PIBF1: variants seen among roughly 807,000 people sequenced by gnomAD.
PIBF1 encodes progesterone immunomodulatory binding factor 1.
In PIBF1, 90 loss-of-function variants were observed where a neutral mutation model predicts 112.5. The ratio of observed to expected loss-of-function variants is 0.80; its 90% confidence interval spans 0.67 to 0.95. The LOEUF (loss-of-function observed/expected upper bound fraction) is 0.95. Ranked by LOEUF, PIBF1 falls within the 40% of genes least tolerant of loss-of-function variation. The pLI, the probability that PIBF1 is intolerant of heterozygous loss-of-function variation, is 0.00. For missense variants in PIBF1, 915 were observed against 852.3 expected (o/e 1.07, Z -0.92); for synonymous variants, 301 against 288.6 (o/e 1.04, Z -0.44).
intron 12 of PIBF1, 25 bp downstream of exon 12, chr13:72,908,706 G>A (rs368094110): frequency 6.3e-7 from 1 of 1,576,742 alleles, no homozygotes; most frequent in Admixed American, 1.9e-5. Context: ...ACACACACAT[G>A]CACAACTTTT....
chr13:72,865,052 AG>A, intron 10 of PIBF1, among the ~76,000 whole-genome samples: 1 of 152,200 alleles, frequency 6.6e-6, no homozygotes, highest in African/African-American at 2.4e-5. Context: ...GTTTTGGAGG[AG>A]CAAAAAAATG....
intron 4 of PIBF1, 117 bp from the exon 5 acceptor site, chr13:72,797,790 T>A: frequency 1.4e-6 from 1 of 735,136 alleles, no homozygotes; most frequent in Non-Finnish European, 2.2e-6. Flanking sequence ...TTAATGACTG[T>A]CTTGTTGTAG....
chr13:72,879,533 T>A (rs1479273809), intron 10 of PIBF1, among the ~76,000 whole-genome samples: 2 of 151,980 alleles, frequency 1.3e-5, no homozygotes, highest in African/African-American at 4.8e-5. Context: ...GACCTGAGAG[T>A]CTTAATAAAA....
In PIBF1 at chr13:72,934,323, G is replaced by A. The variant is rs1271081684; in HGVS notation, c.1833+3056G>A. Among the ~76,000 whole-genome samples the A allele has an allele frequency of 4.6e-5, 7 of 152,072 alleles. 1 individual carries two copies. In the East Asian group the frequency reaches 1.3e-3, roughly 29 times the overall value. On this transcript the variant is annotated intron_variant, in intron 14 of 17. Transcript: ENST00000326291. ...TTATTATTTATTTATTTTTGAGACA[G>A]AGTCTCGCTCTCTCGCCCAGGCTAG...
chr13:72,847,417 A>C (rs1566352414), intron 9 of PIBF1, among the ~76,000 whole-genome samples: 2 of 152,182 alleles, frequency 1.3e-5, no homozygotes. Flanking sequence ...GAGCCTTCTC[A>C]CTACATTATC....
At chr13:72,848,890 G>C (rs2038000964) in intron 9 of PIBF1, among the ~76,000 whole-genome samples, 1 of 151,714 alleles carries the variant, frequency 6.6e-6, no homozygotes, top group Admixed American at 6.6e-5. Flanking sequence ...TATAATTTAA[G>C]TAACCATACC....
At chr13:72,931,369 A>G in intron 14 of PIBF1, 102 bp downstream of exon 14, 1 of 793,528 alleles carries the variant, frequency 1.3e-6, no homozygotes, top group Non-Finnish European at 2.1e-6. Context: ...GCTGTTTGCT[A>G]GTACAAAATG....
intron 14 of PIBF1, among the ~76,000 whole-genome samples, chr13:72,949,174 G>GATT (rs953035778): frequency 6.6e-6 from 1 of 151,980 alleles, no homozygotes; most frequent in African/African-American, 2.4e-5. Context: ...TTCACTAAGT[G>GATT]ATTAAGCTTT....
chr13:72,783,367 A>G (rs1301501616), intron 1 of PIBF1, 56 bp from the exon 2 acceptor site: 10 of 806,420 alleles, frequency 1.2e-5, no homozygotes, highest in Non-Finnish European at 2.0e-5. Context: ...AATACAGTCC[A>G]TGATTTCTGT....
chr13:72,921,259 C>T lies in PIBF1; in HGVS notation c.1730+4093C>T, dbSNP rs770379247. Among the ~76,000 whole-genome samples, 11 of 152,096 alleles carry T rather than the reference C, an allele frequency of 7.2e-5. No homozygotes were observed. The East Asian group carries it at 9.7e-4, about 13-fold the overall frequency. On this transcript the variant is annotated intron_variant, in intron 13 of 17. Transcript: ENST00000326291. ...CTGGGACTACAGGTGCATGCCACCA[C>T]GCCTGGCTAATTGTTTGTATTTTAG...
chr13:72,874,853 A>G (rs1401778475), intron 10 of PIBF1, among the ~76,000 whole-genome samples: 2 of 152,200 alleles, frequency 1.3e-5, no homozygotes. Flanking sequence ...CTACACATGT[A>G]TAGCCTACCC....
At chr13:72,945,650 CTG>C (rs957989442) in intron 14 of PIBF1, among the ~76,000 whole-genome samples, 1 of 152,062 alleles carries the variant, frequency 6.6e-6, no homozygotes, top group African/African-American at 2.4e-5. Flanking sequence ...TTTTGAAAAA[CTG>C]TTTTTTAAAA....
In PIBF1 at chr13:72,890,749, A is replaced by T. The variant is rs1008590593; in HGVS notation, c.1323-3035A>T. Among the ~76,000 whole-genome samples, 3 of 152,180 alleles carry T rather than the reference A, an allele frequency of 2.0e-5. No homozygotes were observed. The South Asian group carries it at 6.2e-4, about 31-fold the overall frequency. The stretch of plus-strand genomic sequence containing the variant: ...GTCTGAGTCAACAAAGTAAAATGTG[A>T]TGGGTTATATTAGCAAAACAAGTTA... On this transcript the variant is annotated intron_variant, in intron 10 of 17. Transcript: ENST00000326291.
chr13:72,790,964 G>C (rs1453551394), intron 2 of PIBF1, among the ~76,000 whole-genome samples: 1 of 152,184 alleles, frequency 6.6e-6, no homozygotes, highest in Non-Finnish European at 1.5e-5. Flanking sequence ...ATTCAGTAGA[G>C]AAGAGGGACT....
intron 15 of PIBF1, among the ~76,000 whole-genome samples, chr13:72,968,257 A>G (rs2042798455): frequency 6.7e-6 from 1 of 150,038 alleles, no homozygotes; most frequent in East Asian, 2.0e-4. Context: ...GATGTTGAGC[A>G]TTTGTTTTGG....
intron 9 of PIBF1, among the ~76,000 whole-genome samples, chr13:72,853,609 T>C (rs1490283595): frequency 2.6e-5 from 4 of 152,184 alleles, no homozygotes; most frequent in Non-Finnish European, 5.9e-5. Flanking sequence ...GACTTCAAGG[T>C]TCTTCATTTC....
At chr13:72,858,073 A>T (rs916613888) in intron 10 of PIBF1, among the ~76,000 whole-genome samples, 11 of 146,458 alleles carry the variant, frequency 7.5e-5, no homozygotes, top group African/African-American at 2.5e-4. Context: ...ATTATGTGAG[A>T]TGGAGTCTCA....
chr13:72,809,099 AT>A (rs2035877980), intron 5 of PIBF1, among the ~76,000 whole-genome samples: 1 of 110,146 alleles, frequency 9.1e-6, no homozygotes, highest in Non-Finnish European at 1.9e-5. Flanking sequence ...AATGGTCTTA[AT>A]TTTTTTCACC....
At chr13:72,870,501 T>C (rs2039117672) in intron 10 of PIBF1, among the ~76,000 whole-genome samples, 1 of 152,208 alleles carries the variant, frequency 6.6e-6, no homozygotes, top group Admixed American at 6.5e-5. Context: ...TCTCTAAACT[T>C]TCCTATGGTG....
Sources: gnomAD v4.1 joint callset for allele counts (sites outside exome capture counted in the v4.1 genomes callset) on GRCh38, gnomAD v4.1.1 for gene constraint, MANE v1.5 for transcripts, NCBI Gene and HGNC (gene_info 2026-07-23, HGNC 2026-07-21) for gene names.